SSH2: variants seen among roughly 807,000 people sequenced by gnomAD.
SSH2 encodes the protein protein phosphatase Slingshot homolog 2.
A neutral mutation model predicts 135.2 loss-of-function variants in SSH2; 37 were observed. The observed-to-expected ratio is 0.27, with a 90% CI of 0.21 to 0.36. The LOEUF is 0.36. Among genes scored for constraint, SSH2 ranks in the 10% least tolerant of loss-of-function variants. The pLI is 1.00. For missense variants in SSH2, 1,408 were observed against 1,765.3 expected, an observed-to-expected ratio of 0.80 and a Z score of 3.63; for synonymous variants, 628 against 646.2, an observed-to-expected ratio of 0.97 and a Z score of 0.43.
chr17:29,650,627 A>T, intron 13 of SSH2, 27 bp downstream of exon 13: 1 of 1,589,868 alleles, frequency 6.3e-7, no homozygotes, highest in Non-Finnish European at 8.6e-7. Flanking sequence ...AACAGAGATC[A>T]CAACATTGTG....
At chr17:29,849,478 C>CAAAAAA (rs36026122) in intron 1 of SSH2, among the ~76,000 whole-genome samples, 2 of 48,334 alleles carry the variant, frequency 4.1e-5, no homozygotes, top group East Asian at 6.5e-4. Flanking sequence ...GACTCCGTCT[C>CAAAAAA]AAAAAAAAAA....
intron 5 of SSH2, among the ~76,000 whole-genome samples, chr17:29,688,655 G>T (rs979970082): frequency 3.9e-5 from 6 of 152,150 alleles, no homozygotes; most frequent in African/African-American, 1.4e-4. Flanking sequence ...TGGTAGAGAT[G>T]GGGTTTCACC....
At chr17:29,920,302 C>G (rs761999613) in intron 1 of SSH2, among the ~76,000 whole-genome samples, 1 of 152,208 alleles carries the variant, frequency 6.6e-6, no homozygotes, top group Admixed American at 6.5e-5. Flanking sequence ...CACTTAAAGC[C>G]GGATAGGAAA....
intron 2 of SSH2, among the ~76,000 whole-genome samples, chr17:29,798,899 T>G (rs1391542309): frequency 6.6e-6 from 1 of 152,222 alleles, no homozygotes; most frequent in Non-Finnish European, 1.5e-5. Flanking sequence ...TTTGAATATT[T>G]TTTAGAATTT....
chr17:29,758,719 G>A (rs913449041), intron 3 of SSH2, among the ~76,000 whole-genome samples: 2 of 152,040 alleles, frequency 1.3e-5, no homozygotes, highest in African/African-American at 2.4e-5. Context: ...CCCCCAAAAA[G>A]CTTATAATCC....
At chr17:29,847,467 G>A (rs967283224) in intron 2 of SSH2, among the ~76,000 whole-genome samples, 2 of 152,028 alleles carry the variant, frequency 1.3e-5, no homozygotes, top group South Asian at 2.1e-4. Flanking sequence ...TTTTGTAGCC[G>A]ACCCCCTCAG....
intron 3 of SSH2, among the ~76,000 whole-genome samples, chr17:29,790,195 C>T (rs143093364): frequency 2.8e-4 from 42 of 152,208 alleles, no homozygotes; most frequent in African/African-American, 9.6e-4. Context: ...TATGTTGAAG[C>T]CCTACCCTCG....
Position 29,627,956 on chromosome 17 carries a change from G to A in SSH2, c.*2885C>T, listed in dbSNP as rs987081024. ...GAGAGAGAGAGAGGAGAGAGAGAGAGGCAGGCAGGCACTGGGCAAGAGTCA... is the reference window on the plus strand; with the variant it reads ...GAGAGAGAGAGAGGAGAGAGAGAGAAGCAGGCAGGCACTGGGCAAGAGTCA... On this transcript the variant is annotated 3_prime_UTR_variant, in exon 16 of 16. Coordinates refer to ENST00000540801, the MANE Select transcript of SSH2 (RefSeq NM_001282129.2). 6.6e-6 allele frequency: 1 copy of A among 152,138 alleles called. No homozygotes were observed. The highest frequency in any genetic ancestry group is 2.4e-5 in the African/African-American group (1 of 41,392). 9.4% of individuals were successfully genotyped at this position (152,138 alleles called of 1,614,324 possible). A position where few individuals can be genotyped will look rare whatever the true frequency, so the allele number is the denominator to read the frequency against.
At chr17:29,829,505 G>T (rs2042802348) in intron 2 of SSH2, among the ~76,000 whole-genome samples, 1 of 152,060 alleles carries the variant, frequency 6.6e-6, no homozygotes, top group South Asian at 2.1e-4. Flanking sequence ...TATATATGGA[G>T]AGAGGAGAGA....
At chr17:29,666,747 C>G (rs1352538296) in intron 11 of SSH2, 120 bp downstream of exon 11, 1 of 952,210 alleles carries the variant, frequency 1.1e-6, no homozygotes, top group African/African-American at 1.7e-5. Flanking sequence ...GTACTTATCA[C>G]TTTTGTCTTT....
chr17:29,923,118 G>A (rs946047151), intron 1 of SSH2, among the ~76,000 whole-genome samples: 1 of 152,118 alleles, frequency 6.6e-6, no homozygotes, highest in Non-Finnish European at 1.5e-5. Flanking sequence ...CACCATGTTG[G>A]CCAGGCTGGT....
chr17:29,813,582 C>T (rs548629177), intron 2 of SSH2, among the ~76,000 whole-genome samples: 12 of 152,162 alleles, frequency 7.9e-5, no homozygotes, highest in Admixed American at 6.5e-4. Context: ...CTTTGGGAGG[C>T]CGAGGCGGGA....
chr17:29,706,136 A>G (rs1368740087), intron 3 of SSH2, among the ~76,000 whole-genome samples: 1 of 152,216 alleles, frequency 6.6e-6, no homozygotes, highest in East Asian at 1.9e-4. Flanking sequence ...GTAATTTAGG[A>G]CAAGTCTCAC....
At chr17:29,650,108 A>G (rs1598721257) in intron 13 of SSH2, among the ~76,000 whole-genome samples, 1 of 152,356 alleles carries the variant, frequency 6.6e-6, no homozygotes, top group East Asian at 1.9e-4. Context: ...CAGTGTTGAC[A>G]TTAATACCAA....
intron 3 of SSH2, among the ~76,000 whole-genome samples, chr17:29,726,083 C>T (rs1216328318): frequency 4.6e-5 from 7 of 152,074 alleles, no homozygotes; most frequent in Admixed American, 1.3e-4. Context: ...AGATGATATT[C>T]GAGCAGAGAC....
chr17:29,688,056 G>T (rs2038300714), intron 5 of SSH2, among the ~76,000 whole-genome samples: 2 of 151,496 alleles, frequency 1.3e-5, no homozygotes, highest in Admixed American at 1.3e-4. Flanking sequence ...TATCGCCCAG[G>T]CTGGAGTGCA....
intron 3 of SSH2, among the ~76,000 whole-genome samples, chr17:29,735,968 G>A (rs146510314): frequency 0.019 from 2,896 of 151,704 alleles, 33 homozygotes; most frequent in Non-Finnish European, 0.03. Context: ...GTGGTGGTGC[G>A]TGCTTGTAAT....
Position 29,732,910 on chromosome 17 carries a change from C to G in SSH2, c.189-29848G>C, listed in dbSNP as rs144446115. ...TACAGTCATGCCTAAAGCAAAGCAG[C>G]AAATATCTTTCAGGTAACTCACTTT... is the stretch of plus-strand genomic sequence containing the variant. On this transcript the variant is annotated intron_variant, in intron 3 of 15. Coordinates refer to ENST00000540801, the MANE Select transcript of SSH2 (RefSeq NM_001282129.2). Among the ~76,000 whole-genome samples the G allele has an allele frequency of 3.2e-3, 484 of 152,298 alleles. 3 individuals carry two copies. In the South Asian group the frequency reaches 0.038, roughly 12 times the overall value.
At chr17:29,725,546 C>T (rs2039974654) in intron 3 of SSH2, among the ~76,000 whole-genome samples, 1 of 152,134 alleles carries the variant, frequency 6.6e-6, no homozygotes. Context: ...GGCACATATA[C>T]ACCATGGAAT....
Sources: gnomAD v4.1 joint callset for allele counts (sites outside exome capture counted in the v4.1 genomes callset) on GRCh38, gnomAD v4.1.1 for gene constraint, MANE v1.5 for transcripts, NCBI Gene and HGNC (gene_info 2026-07-23, HGNC 2026-07-21) for gene names.